ZNF324B: variants seen among roughly 807,000 people sequenced by gnomAD.
ZNF324B encodes zinc finger protein 324B.
In ZNF324B, 7 loss-of-function variants were observed where a neutral mutation model predicts 10.6. That is an observed-to-expected ratio of 0.66 (90% CI 0.38 to 1.24). ZNF324B has a LOEUF of 1.24. Ranked by LOEUF, ZNF324B falls within the 50% of genes most tolerant of loss-of-function variation. The pLI, the probability that ZNF324B is intolerant of heterozygous loss-of-function variation, is 0.02. For missense variants in ZNF324B, 640 were observed against 764.7 expected, an observed-to-expected ratio of 0.84 and a Z score of 1.92; for synonymous variants, 316 against 321.0, an observed-to-expected ratio of 0.98 and a Z score of 0.17.
At chr19:58,433,555 C>T in the ZNF324B span, 46 of 1,614,114 alleles carry the variant, frequency 2.8e-5, no homozygotes, top group African/African-American at 6.1e-4. Flanking sequence ...CCCACATTCA[C>T]TGCATTCGTA....
At chr19:58,436,667 C>CAAAAAAAAAAAAAAAAA in the ZNF324B span, among the ~76,000 whole-genome samples, 1 of 65,542 alleles carries the variant, frequency 1.5e-5, no homozygotes, top group Non-Finnish European at 2.8e-5. Flanking sequence ...GACTCCATCT[C>CAAAAAAAAAAAAAAAAA]AAAAAAAAAA....
the ZNF324B span, chr19:58,434,836 C>T: frequency 0.2 from 322,288 of 1,614,012 alleles, 33,666 homozygotes; most frequent in Non-Finnish European, 0.21. Context: ...GTCACAGCTG[C>T]CCAGGATGAC....
upstream of ZNF324B, among the ~76,000 whole-genome samples, chr19:58,447,176 A>T (rs1317783120): frequency 2.0e-5 from 3 of 151,060 alleles, no homozygotes; most frequent in Non-Finnish European, 4.4e-5. Flanking sequence ...GAGTTTCACC[A>T]TATATTGGCC....
the ZNF324B span, chr19:58,428,989 A>G: frequency 2.2e-3 from 339 of 152,346 alleles, 2 homozygotes; most frequent in African/African-American, 7.9e-3. Flanking sequence ...GGAGGTTCTC[A>G]AAGAAACTAC....
Position 58,455,956 on chromosome 19 carries a change from G to A in ZNF324B, c.1012G>A (p.Glu338Lys), listed in dbSNP as rs1344986412. The change falls in exon 4 of 4, where the codon GAG becomes AAG. Residue 338 changes from glutamate (E) to lysine (K), a missense_variant. Physicochemically the swap from Glu to Lys is moderately conservative, Grantham distance 56. Coordinates refer to ENST00000336614, the MANE Select transcript of ZNF324B (RefSeq NM_207395.3). The surrounding 1 kb of genome is among the most constrained non-coding windows in gnomAD (Gnocchi z 7.0). ...LVRHQRIHTA[E>K]KSFRCSECGK... Reference sequence around the variant, plus strand: ...GCGGCACCAGCGCATCCACACGGCCGAGAAGTCCTTCCGCTGCTCCGAGTG... The same window carrying A: ...GCGGCACCAGCGCATCCACACGGCCAAGAAGTCCTTCCGCTGCTCCGAGTG... 2.5e-6 allele frequency: 4 copies of A among 1,593,136 alleles called. No individual in the cohort carries two copies. The highest frequency in any genetic ancestry group is 1.7e-5 in the Admixed American group (1 of 58,178).
chr19:58,427,439 CT>C, the ZNF324B span, among the ~76,000 whole-genome samples: 1 of 34,290 alleles, frequency 2.9e-5, no homozygotes, highest in African/African-American at 1.5e-4. Context: ...TCCTTCCTTC[CT>C]TCCTTTCCTT....
chr19:58,433,749 G>A, the ZNF324B span: 7 of 1,614,044 alleles, frequency 4.3e-6, no homozygotes, highest in Non-Finnish European at 5.9e-6. Flanking sequence ...TTTCTTTTGT[G>A]TGAACTCTCC....
chr19:58,420,739 A>G, the ZNF324B span, among the ~76,000 whole-genome samples: 82,811 of 150,968 alleles, frequency 0.55, 24,254 homozygotes, highest in African/African-American at 0.77. Flanking sequence ...AGATGGAGTC[A>G]CTCTGTTGTC....
At chr19:58,454,554 G>A in intron 3 of ZNF324B, 1 of 585,176 alleles carries the variant, frequency 1.7e-6, no homozygotes. Context: ...TCACACAGAA[G>A]GGCCTACCTT....
the ZNF324B span, chr19:58,442,367 G>A: frequency 6.7e-6 from 1 of 150,356 alleles, no homozygotes; most frequent in African/African-American, 2.5e-5. Flanking sequence ...GTAGAGACGG[G>A]GTTTCACCTT....
chr19:58,430,793 CA>C, the ZNF324B span: 3 of 152,172 alleles, frequency 2.0e-5, no homozygotes, highest in Non-Finnish European at 4.4e-5. Context: ...TTGAAGAGGG[CA>C]AAAGTCTTCA....
At chr19:58,421,433 G>A in the ZNF324B span, among the ~76,000 whole-genome samples, 28 of 152,174 alleles carry the variant, frequency 1.8e-4, no homozygotes, top group Admixed American at 3.3e-4. Context: ...GAGTCTCCCC[G>A]TCACCCAGGC....
chr19:58,433,983 A>C, the ZNF324B span: 1 of 1,614,138 alleles, frequency 6.2e-7, no homozygotes, highest in East Asian at 2.2e-5. Context: ...CACAGCATTC[A>C]AAAGGCCGTT....
chr19:58,442,161 C>A, the ZNF324B span: 1 of 95,002 alleles, frequency 1.1e-5, no homozygotes, highest in South Asian at 3.2e-4. Flanking sequence ...TGTTACAGTT[C>A]TTTTTTTTTT....
upstream of ZNF324B, among the ~76,000 whole-genome samples, chr19:58,450,985 C>G (rs188878962): frequency 1.3e-5 from 2 of 152,194 alleles, no homozygotes; most frequent in African/African-American, 4.8e-5. Flanking sequence ...ACCTTCTGCT[C>G]GTCCAAGTTA....
the ZNF324B span, chr19:58,434,947 C>T: frequency 6.2e-7 from 1 of 1,614,160 alleles, no homozygotes; most frequent in East Asian, 2.2e-5. Context: ...GGGCTTCCCT[C>T]CACTGTGCTC....
chr19:58,424,135 G>C, the ZNF324B span, among the ~76,000 whole-genome samples: 1 of 151,932 alleles, frequency 6.6e-6, no homozygotes, highest in African/African-American at 2.4e-5. Flanking sequence ...TGTAATCTCA[G>C]CTACTTGGGA....
At chr19:58,437,740 C>G in the ZNF324B span, 2 of 985,294 alleles carry the variant, frequency 2.0e-6, no homozygotes, top group Middle Eastern at 5.2e-4. Flanking sequence ...CAGATGCAAC[C>G]GGGATCCATT....
rs762582025 is a variant in ZNF324B, at chr19:58,456,395, C to T, written c.1451C>T (p.Thr484Met). ...IHTGEKPFVC[T>M]QCGRAFRERP... The stretch of plus-strand genomic sequence containing the variant: ...ACGGGCGAGAAGCCCTTCGTGTGCA[C>T]GCAGTGTGGCCGCGCCTTCCGTGAG... The change falls in exon 4 of 4, where the codon ACG becomes ATG. Residue 484 changes from threonine to methionine, a missense_variant. By Grantham distance (81) the Thr-to-Met change is moderately conservative (BLOSUM62 -1). Around this residue, in one of 3 missense-constraint regions of ZNF324B, gnomAD observed 238 missense variants for 258.0 expected, o/e 0.92. Coordinates refer to ENST00000336614, the MANE Select transcript of ZNF324B (RefSeq NM_207395.3). The surrounding 1 kb of genome is among the most constrained non-coding windows in gnomAD (Gnocchi z 4.7). The T allele has an allele frequency of 3.3e-5, 53 of 1,613,188 alleles. No individual in the cohort carries two copies. The highest frequency in any genetic ancestry group is 4.3e-5 in the Non-Finnish European group (51 of 1,180,044).
Sources: allele counts gnomAD v4.1 joint callset (sites outside exome capture counted in the v4.1 genomes callset), GRCh38; gene constraint gnomAD v4.1.1; regional missense constraint gnomAD v4.1.1; non-coding constraint Gnocchi (gnomAD v3.1); transcripts MANE v1.5; gene names NCBI Gene and HGNC (gene_info 2026-07-23, HGNC 2026-07-21).